The following HYDIN variants were observed in gnomAD, a reference collection of about 807,000 sequenced individuals.
The protein encoded by HYDIN is axonemal central pair apparatus protein HYDIN.
Under a neutral mutation model 403.9 loss-of-function variants are expected in HYDIN, and 132 were observed. The observed-to-expected ratio is 0.33, with a 90% CI of 0.28 to 0.38. The LOEUF is 0.38. Among genes scored for constraint, HYDIN ranks in the 10% least tolerant of loss-of-function variants. HYDIN has a pLI of 1.00. For missense variants in HYDIN, 2,827 were observed against 5,009.5 expected (o/e 0.56, Z 13.15); for synonymous variants, 1,202 against 1,891.7 (o/e 0.64, Z 9.46).
At chr16:71,203,882 T>C in intron 1 of HYDIN, 1 of 450,558 alleles carries the variant, frequency 2.2e-6, no homozygotes, top group Non-Finnish European at 4.4e-6. Flanking sequence ...CTGTGAAATA[T>C]GGTGAAACCC....
At chr16:70,850,040 G>C in intron 74 of HYDIN, 93 bp from the exon 75 acceptor site, 1 of 598,624 alleles carries the variant, frequency 1.7e-6, no homozygotes, top group Non-Finnish European at 3.0e-6. Flanking sequence ...TATCCTTTGG[G>C]AAATAAGGAT....
chr16:71,021,875 G>A (rs1430893181), intron 21 of HYDIN, among the ~76,000 whole-genome samples: 7 of 152,128 alleles, frequency 4.6e-5, no homozygotes, highest in Non-Finnish European at 1.0e-4. Context: ...CTTCCACTGT[G>A]GTTCCTGGGT....
At chr16:71,221,051 C>A (rs1354581767) in intron 1 of HYDIN, among the ~76,000 whole-genome samples, 15 of 151,914 alleles carry the variant, frequency 9.9e-5, no homozygotes, top group African/African-American at 3.4e-4. Context: ...ACAAGGACAC[C>A]CTGAGCTCTG....
chr16:71,083,817 T>G (rs2082855714), intron 12 of HYDIN, among the ~76,000 whole-genome samples: 1 of 144,664 alleles, frequency 6.9e-6, no homozygotes, highest in Non-Finnish European at 1.5e-5. Flanking sequence ...ATGCTGCATA[T>G]GCTACCCGCT....
At chr16:71,067,061 A>T (rs1394929568) in intron 15 of HYDIN, 3 of 630,504 alleles carry the variant, frequency 4.8e-6, no homozygotes, top group Non-Finnish European at 8.5e-6. Flanking sequence ...TATTCTTAGG[A>T]TTCTCTGCCT....
At chr16:71,012,286 G>A (rs2080113347) in intron 23 of HYDIN, among the ~76,000 whole-genome samples, 1 of 152,278 alleles carries the variant, frequency 6.6e-6, no homozygotes, top group Admixed American at 6.5e-5. Context: ...TGAATGGCCA[G>A]CCCCGGCACT....
Position 70,804,165 on chromosome 16 carries a change from C to T in HYDIN, c.*3415G>A, listed in dbSNP as rs900626912. Reference sequence around the variant, plus strand: ...GAAATGCACCCAATCTCAAACCAGCCTGGAAGAGGGTTCACACTGGGGCAG... The same window carrying T: ...GAAATGCACCCAATCTCAAACCAGCTTGGAAGAGGGTTCACACTGGGGCAG... On this transcript the variant is annotated 3_prime_UTR_variant, in exon 86 of 86. Transcript: ENST00000393567. Among the ~76,000 whole-genome samples, 8 of 152,206 alleles carry T rather than the reference C, an allele frequency of 5.3e-5. No individual in the cohort carries two copies. The East Asian group carries it at 1.5e-3, about 29-fold the overall frequency.
intron 20 of HYDIN, among the ~76,000 whole-genome samples, chr16:71,026,477 A>C (rs929927067): frequency 3.3e-5 from 5 of 152,004 alleles, no homozygotes; most frequent in African/African-American, 1.2e-4. Context: ...TGCCTTCAAA[A>C]ATATGGACAA....
intron 53 of HYDIN, among the ~76,000 whole-genome samples, chr16:70,900,700 A>T (rs1228807333): frequency 6.6e-6 from 1 of 150,402 alleles, no homozygotes; most frequent in African/African-American, 2.5e-5. Context: ...AGGTATAGCA[A>T]CACCATTTGT....
In HYDIN at chr16:70,879,712, CT is replaced by C. The variant is rs1405253073; in HGVS notation, c.10259del (p.Lys3420ArgfsTer58). 1 of 1,410,064 alleles carries C rather than the reference CT, an allele frequency of 7.1e-7. No homozygotes were observed. The highest frequency in any genetic ancestry group is 2.3e-5 in the East Asian group (1 of 43,492). 87.3% of individuals were successfully genotyped at this position (1,410,064 alleles called of 1,614,324 possible). A position where few individuals can be genotyped will look rare whatever the true frequency, so the allele number is the denominator to read the frequency against. ...CATGGGAATGACTGGCAATGCACATCTTGCTGGGTTCCACTTCAAAAATGTC... is the reference window on the plus strand; with the variant it reads ...CATGGGAATGACTGGCAATGCACATCTGCTGGGTTCCACTTCAAAAATGTC... ...IVDIFEVEPS[K>X]MCIASHSHAF... is the part of the protein sequence containing the mutation. On this transcript the variant is annotated frameshift_variant, in exon 61 of 86. Coordinates refer to ENST00000393567, the MANE Select transcript of HYDIN (RefSeq NM_001270974.2). LOFTEE classifies it high-confidence loss of function.
chr16:70,910,149 T>G (rs2076654677), intron 47 of HYDIN, among the ~76,000 whole-genome samples: 1 of 152,212 alleles, frequency 6.6e-6, no homozygotes, highest in Non-Finnish European at 1.5e-5. Flanking sequence ...TGAGTAAGTT[T>G]TCTGGTGGCG....
At chr16:71,077,558 T>C (rs1484259162) in intron 13 of HYDIN, among the ~76,000 whole-genome samples, 1 of 152,070 alleles carries the variant, frequency 6.6e-6, no homozygotes, top group Non-Finnish European at 1.5e-5. Flanking sequence ...GATAGTTTTG[T>C]TTTTTTCTTT....
chr16:70,962,934 C>T (rs1479627109), intron 37 of HYDIN, among the ~76,000 whole-genome samples: 2 of 150,750 alleles, frequency 1.3e-5, no homozygotes, highest in African/African-American at 4.9e-5. Flanking sequence ...AGAAGCAGGG[C>T]GTGTGCCTTT....
intron 18 of HYDIN, among the ~76,000 whole-genome samples, chr16:71,040,382 T>C (rs2081246191): frequency 6.7e-6 from 1 of 148,412 alleles, no homozygotes; most frequent in South Asian, 2.2e-4. Flanking sequence ...CTGGGGATTC[T>C]GCATGGCTCT....
At chr16:70,900,816 T>C in intron 53 of HYDIN, among the ~76,000 whole-genome samples, 188 bp downstream of exon 53, 1 of 140,356 alleles carries the variant, frequency 7.1e-6, no homozygotes, top group African/African-American at 2.7e-5. Context: ...CCATAAGCAA[T>C]ATTGCCTCTA....
At chr16:71,094,380 A>C (rs1005324961) in intron 10 of HYDIN, among the ~76,000 whole-genome samples, 2 of 152,230 alleles carry the variant, frequency 1.3e-5, no homozygotes, top group African/African-American at 4.8e-5. Context: ...ATGAGCATAC[A>C]AGCTGTATTT....
At chr16:70,836,133 C>T (rs893179042) in intron 77 of HYDIN, among the ~76,000 whole-genome samples, 7 of 152,120 alleles carry the variant, frequency 4.6e-5, no homozygotes, top group Non-Finnish European at 1.0e-4. Context: ...GGGGCCTTTC[C>T]GAAGATGGCA....
At chr16:70,974,443 GC>G (rs1237486724) in intron 32 of HYDIN, 90 bp downstream of exon 32, 1 of 1,410,278 alleles carries the variant, frequency 7.1e-7, no homozygotes, top group East Asian at 2.4e-5. Flanking sequence ...GATCCCAGAG[GC>G]ACAAAAGCTG....
intron 5 of HYDIN, among the ~76,000 whole-genome samples, chr16:71,168,594 G>A (rs2086341078): frequency 1.3e-5 from 2 of 151,922 alleles, no homozygotes; most frequent in South Asian, 4.2e-4. Context: ...TGTCATCAGA[G>A]ACTCAAATTC....
Sources: allele counts gnomAD v4.1 joint callset (sites outside exome capture counted in the v4.1 genomes callset), GRCh38; gene constraint gnomAD v4.1.1; transcripts MANE v1.5; gene names NCBI Gene and HGNC (gene_info 2026-07-23, HGNC 2026-07-21).